The following COL6A6 variants were observed in gnomAD, a reference collection of about 807,000 sequenced individuals.
The protein encoded by COL6A6 is collagen type VI alpha 6 chain.
COL6A6 carries 183 observed loss-of-function variants against 208.6 expected under a neutral mutation model. The ratio of observed to expected loss-of-function variants is 0.88; its 90% confidence interval spans 0.78 to 0.99. COL6A6 has a LOEUF of 0.99. Ranked by LOEUF, COL6A6 falls within the 50% of genes least tolerant of loss-of-function variation. COL6A6 has a pLI of 0.00. For synonymous variants in COL6A6, 973 were observed against 1,011.8 expected, an observed-to-expected ratio of 0.96 and a Z score of 0.73; for missense variants, 2,816 against 2,815.2, an observed-to-expected ratio of 1.00 and a Z score of -0.01.
intron 8 of COL6A6, among the ~76,000 whole-genome samples, chr3:130,576,625 C>G (rs1017607471): frequency 1.3e-5 from 2 of 151,190 alleles, no homozygotes; most frequent in Non-Finnish European, 1.5e-5. Context: ...AGTATGAACT[C>G]CAAGTAAGTA....
chr3:130,538,396 C>T (rs6772929), intron 1 of COL6A6, among the ~76,000 whole-genome samples: 2 of 152,078 alleles, frequency 1.3e-5, no homozygotes, highest in Non-Finnish European at 1.5e-5. Context: ...CCTTGCCAGG[C>T]GGTGCCTTTT....
chr3:130,589,571 T>G (rs1211994604), intron 12 of COL6A6, among the ~76,000 whole-genome samples: 1 of 152,206 alleles, frequency 6.6e-6, no homozygotes, highest in African/African-American at 2.4e-5. Flanking sequence ...GCGAAGATAC[T>G]TTGTGTACTC....
chr3:130,599,706 T>C (rs2063953325), intron 19 of COL6A6, 51 bp from the exon 20 acceptor site: 1 of 1,592,114 alleles, frequency 6.3e-7, no homozygotes, highest in African/African-American at 1.3e-5. Flanking sequence ...AAAGAGAAAC[T>C]CTGTCAATGC....
chr3:130,663,820 T>A (rs1229442467), intron 35 of COL6A6, among the ~76,000 whole-genome samples: 1 of 152,224 alleles, frequency 6.6e-6, no homozygotes, highest in African/African-American at 2.4e-5. Context: ...ATTATAACCA[T>A]GATGAAATTA....
intron 35 of COL6A6, 84 bp downstream of exon 35, chr3:130,662,392 C>T: frequency 3.0e-6 from 4 of 1,312,528 alleles, no homozygotes; most frequent in Non-Finnish European, 4.2e-6. Flanking sequence ...AACATGGATA[C>T]TTGGAAACCT....
At chr3:130,561,362 TG>T (rs1243591802) in intron 2 of COL6A6, among the ~76,000 whole-genome samples, 1 of 152,216 alleles carries the variant, frequency 6.6e-6, no homozygotes, top group Non-Finnish European at 1.5e-5. Flanking sequence ...TCCCCTGAGA[TG>T]CTGCTGGCTG....
chr3:130,654,751 CTTAA>C (rs1038118696), intron 33 of COL6A6, among the ~76,000 whole-genome samples: 42 of 152,272 alleles, frequency 2.8e-4, no homozygotes, highest in African/African-American at 9.9e-4. Context: ...AGAGAAAGAG[CTTAA>C]TTAATGCAGA....
chr3:130,663,539 ATAAGGCATTTG>A (rs949745241), intron 35 of COL6A6, among the ~76,000 whole-genome samples: 1 of 152,198 alleles, frequency 6.6e-6, no homozygotes, highest in Non-Finnish European at 1.5e-5. Flanking sequence ...GAAAGGAATC[ATAAGGCATTTG>A]TAAGGGTAAA....
Position 130,676,009 on chromosome 3 carries a change from G to T in COL6A6, c.*612G>T, listed in dbSNP as rs1277911810. 1 of 152,130 alleles carries T rather than the reference G, an allele frequency of 6.6e-6. No homozygotes were observed. Among genetic ancestry groups the T allele is most frequent in the Non-Finnish European group, 1.5e-5 (1 of 68,018 alleles). 9.4% of individuals were successfully genotyped at this position (152,130 alleles called of 1,614,324 possible). The stretch of plus-strand genomic sequence containing the variant: ...ACTGAAAAACTCATTAATTCCCGCA[G>T]AACATAAATTATTGCTTTTGAGCTG... On this transcript the variant is annotated 3_prime_UTR_variant, in exon 37 of 37. Coordinates refer to ENST00000358511, the MANE Select transcript of COL6A6 (RefSeq NM_001102608.3).
Position 130,634,211 on chromosome 3 carries a change from A to T in COL6A6, c.4993-379A>T, listed in dbSNP as rs1486409853. 1.6e-4 allele frequency among the ~76,000 whole-genome samples: 19 copies of T among 116,744 alleles called. 2 individuals carry two copies. Among genetic ancestry groups the T allele is most frequent in the Non-Finnish European group, 7.1e-5 (4 of 56,254 alleles). 76.6% of individuals were successfully genotyped at this position (116,744 alleles called of 152,430 possible). A position where few individuals can be genotyped will look rare whatever the true frequency, so the allele number is the denominator to read the frequency against. On this transcript the variant is annotated intron_variant, in intron 26 of 36. Transcript: ENST00000358511. ...TCAAGCTATAAAATGTTAAAAAAAAAAATAAATAAATAAATAAATAAATAA... is the reference window on the plus strand; with the variant it reads ...TCAAGCTATAAAATGTTAAAAAAAATAATAAATAAATAAATAAATAAATAA...
Position 130,586,648 on chromosome 3 carries a change from G to A in COL6A6, c.4113G>A (p.Leu1371=). 6.2e-7 allele frequency: 1 copy of A among 1,611,902 alleles called. No individual in the cohort carries two copies. Among genetic ancestry groups the A allele is most frequent in the Non-Finnish European group, 8.5e-7 (1 of 1,179,248 alleles). Residue 1371 remains leucine, a synonymous_variant, in exon 11 of 37, where the codon CTG becomes CTA. Coordinates refer to ENST00000358511, the MANE Select transcript of COL6A6 (RefSeq NM_001102608.3). ...GCATGAGAGAACTTGGAAGCCGGCT[G>A]TCAAAGCAGCTGGTAAGTTATTCTG... ...SIGMRELGSR[L]SKQLVNVAER... is the part of the protein sequence containing the mutation.
At chr3:130,623,772 A>G (rs765476503) in intron 24 of COL6A6, among the ~76,000 whole-genome samples, 2 of 152,238 alleles carry the variant, frequency 1.3e-5, no homozygotes, top group Non-Finnish European at 2.9e-5. Context: ...TGTAAATTTC[A>G]GAGTCATTTG....
At chr3:130,599,629 A>G in intron 19 of COL6A6, 128 bp from the exon 20 acceptor site, 1 of 868,534 alleles carries the variant, frequency 1.2e-6, no homozygotes, top group South Asian at 1.6e-5. Context: ...GCCATTTTCC[A>G]AAGGAAAGGT....
In COL6A6 at chr3:130,598,394, A is replaced by G; in HGVS notation, c.4563A>G (p.Glu1521=). ...PGAPGVDSSI[E]GPTGLKGERG... is the part of the protein sequence containing the mutation. ...CTCCTGGAGTTGACAGTAGCATAGA[A>G]GGACCCACAGGCTTGAAAGGAGAAC... is the stretch of plus-strand genomic sequence containing the variant. The change falls in exon 19 of 37, where the codon GAA becomes GAG. Residue 1521 remains glutamate (E), a synonymous_variant. Transcript: ENST00000358511. 6.4e-7 allele frequency: 1 copy of G among 1,552,100 alleles called. No individual in the cohort carries two copies. Among genetic ancestry groups the G allele is most frequent in the South Asian group, 1.2e-5 (1 of 83,982 alleles).
In COL6A6 at chr3:130,585,206, C is replaced by T. The variant is rs1164728956; in HGVS notation, c.3971-1300C>T. 3.9e-5 allele frequency among the ~76,000 whole-genome samples: 6 copies of T among 152,094 alleles called. No homozygotes were observed. In the South Asian group the frequency reaches 8.3e-4, roughly 21 times the overall value. ...GGAGTAAGGTTTACATGAAGCTAAA[C>T]GTATTTGATTTTAAGACTGCCCTTT... On this transcript the variant is annotated intron_variant, in intron 10 of 36. Coordinates refer to ENST00000358511, the MANE Select transcript of COL6A6 (RefSeq NM_001102608.3).
chr3:130,541,696 T>A (rs190032879), intron 1 of COL6A6, among the ~76,000 whole-genome samples: 1 of 152,226 alleles, frequency 6.6e-6, no homozygotes, highest in Non-Finnish European at 1.5e-5. Context: ...CCTGATGACA[T>A]ATAGTGTATT....
intron 20 of COL6A6, 36 bp downstream of exon 20, chr3:130,599,846 TG>T: frequency 6.2e-7 from 1 of 1,603,404 alleles, no homozygotes; most frequent in Non-Finnish European, 8.5e-7. Context: ...CCCACTGTTT[TG>T]GTGGCTCATG....
rs951894072 is a variant in COL6A6, at chr3:130,646,708, G to A, written c.5239+1706G>A. Among the ~76,000 whole-genome samples the A allele has an allele frequency of 5.3e-5, 8 of 152,340 alleles. No individual in the cohort carries two copies. In the South Asian group the frequency reaches 1.7e-3, roughly 32 times the overall value. ...CCCAACAAGGTTGAGACATAGGGAG[G>A]GGGAGAGTAGTGCATAAAAACATGG... On this transcript the variant is annotated intron_variant, in intron 32 of 36. Coordinates refer to ENST00000358511, the MANE Select transcript of COL6A6 (RefSeq NM_001102608.3).
At chr3:130,550,152 AT>A (rs368133184) in intron 1 of COL6A6, among the ~76,000 whole-genome samples, 2,382 of 151,818 alleles carry the variant, frequency 0.016, 21 homozygotes, top group African/African-American at 0.027. Flanking sequence ...TTGTACATTG[AT>A]TTTTTTTATC....
Sources: gnomAD v4.1 joint callset for allele counts (sites outside exome capture counted in the v4.1 genomes callset) on GRCh38, gnomAD v4.1.1 for gene constraint, MANE v1.5 for transcripts, NCBI Gene and HGNC (gene_info 2026-07-23, HGNC 2026-07-21) for gene names.